The following NMUR2 variants were observed in gnomAD, a reference collection of about 807,000 sequenced individuals.
The protein encoded by NMUR2 is neuromedin-U receptor 2.
In NMUR2, 24 loss-of-function variants were observed where a neutral mutation model predicts 25.1. That is an observed-to-expected ratio of 0.96 (90% CI 0.69 to 1.34). The LOEUF (loss-of-function observed/expected upper bound fraction) is 1.34, where lower values mean the gene tolerates loss of function less well. NMUR2 is among the 40% of genes most tolerant of loss of function. NMUR2 has a pLI of 0.00. For missense variants in NMUR2, 533 were observed against 512.8 expected (o/e 1.04, Z -0.38); for synonymous variants, 218 against 208.1 (o/e 1.05, Z -0.41).
rs1338599317 is a variant in NMUR2, at chr5:152,395,520, G to A, written c.876C>T (p.Ser292=). The A allele has an allele frequency of 6.2e-7, 1 of 1,613,664 alleles. No homozygotes were observed. The highest frequency in any genetic ancestry group is 1.7e-5 in the Admixed American group (1 of 59,924). ...GGGATTCACTCCACTCCTCCACAAA[G>A]CTGAAGAAGAGTCGGTCAATGTGGA... ...APFHIDRLFF[S]FVEEWSESLA... is the part of the protein sequence containing the mutation. Residue 292 remains serine (S), a synonymous_variant, in exon 3 of 4, where the codon AGC becomes AGT. Transcript: ENST00000255262.
chr5:152,401,919 CAG>C (rs1753260982), intron 1 of NMUR2, among the ~76,000 whole-genome samples: 1 of 152,152 alleles, frequency 6.6e-6, no homozygotes. Flanking sequence ...AACTATCCAA[CAG>C]AGTCACTCAC....
intron 3 of NMUR2, among the ~76,000 whole-genome samples, chr5:152,395,161 G>A (rs1176935156): frequency 6.6e-6 from 1 of 152,072 alleles, no homozygotes; most frequent in Non-Finnish European, 1.5e-5. Flanking sequence ...CAATTTAATT[G>A]CATGGCCATT....
In NMUR2 at chr5:152,398,038, A is replaced by G. The variant is rs1011668750; in HGVS notation, c.811+22T>C. The G allele has an allele frequency of 1.9e-6, 3 of 1,593,936 alleles. No individual in the cohort carries two copies. The Admixed American group carries it at 5.0e-5, about 27-fold the overall frequency. On this transcript the variant is annotated intron_variant, in intron 2 of 3. Coordinates refer to ENST00000255262, the MANE Select transcript of NMUR2 (RefSeq NM_020167.5). Reference sequence around the variant, plus strand: ...TTGCTCTTATGAACAAAACAAAACAAAAAACAAAATGGGGCACTTACACAG... The same window carrying G: ...TTGCTCTTATGAACAAAACAAAACAGAAAACAAAATGGGGCACTTACACAG...
chr5:152,394,169 A>T (rs896973162), intron 3 of NMUR2, among the ~76,000 whole-genome samples: 4 of 152,148 alleles, frequency 2.6e-5, no homozygotes, highest in Non-Finnish European at 5.9e-5. Context: ...TTGACCTTGT[A>T]GTGCTTTCTC....
At chr5:152,393,384 G>A (rs185193714) in intron 3 of NMUR2, among the ~76,000 whole-genome samples, 91 of 152,228 alleles carry the variant, frequency 6.0e-4, no homozygotes, top group African/African-American at 2.1e-3. Context: ...TTGCCAAAAG[G>A]TTCCTTGTTG....
chr5:152,404,208 T>C (rs1721907337), intron 1 of NMUR2, among the ~76,000 whole-genome samples, 180 bp downstream of exon 1: 1 of 152,204 alleles, frequency 6.6e-6, no homozygotes, highest in Non-Finnish European at 1.5e-5. Flanking sequence ...TAGTTGTGGT[T>C]ACCATTCATC....
Position 152,404,864 on chromosome 5 carries a change from G to A in NMUR2, c.250C>T (p.Leu84Phe), listed in dbSNP as rs1390986954. The A allele has an allele frequency of 1.2e-6, 2 of 1,614,104 alleles. No homozygotes were observed. Among genetic ancestry groups the A allele is most frequent in the Non-Finnish European group, 8.5e-7 (1 of 1,180,012 alleles). Reference protein sequence around the residue: ...QAMKTPTNYYLFSLAVSDLLV... With the variant: ...QAMKTPTNYYFFSLAVSDLLV... ...AGGTCAGAGACCGCCAGGCTGAAGA[G>A]GTAGTAGTTGGTGGGCGTCTTCATA... Residue 84 changes from leucine to phenylalanine, a missense_variant, in exon 1 of 4, where the codon CTC (leucine) becomes TTC (phenylalanine). Leu to Phe is a conservative substitution (Grantham distance 22). Coordinates refer to ENST00000255262, the MANE Select transcript of NMUR2 (RefSeq NM_020167.5).
rs748964661 is a variant in NMUR2 at position 152,391,923 on chromosome 5, C to T, written c.*268G>A. ...AATTAATCAAGGTATAGGTGCCATG[C>T]CTTTCCAGTCACGTTCTTGGCATGA... On this transcript the variant is annotated 3_prime_UTR_variant, in exon 4 of 4. Transcript: ENST00000255262. 2.5e-5 allele frequency: 9 copies of T among 358,510 alleles called. No individual in the cohort carries two copies. The highest frequency in any genetic ancestry group is 4.5e-5 in the Admixed American group (1 of 22,466). 22.2% of individuals were successfully genotyped at this position (358,510 alleles called of 1,614,324 possible).
intron 2 of NMUR2, among the ~76,000 whole-genome samples, chr5:152,396,297 A>G (rs1176304532): frequency 6.6e-6 from 1 of 151,952 alleles, no homozygotes; most frequent in East Asian, 1.9e-4. Flanking sequence ...TCGCCTAAAG[A>G]TAATCTTTTG....
At chr5:152,398,657 G>C (rs1001578682) in intron 1 of NMUR2, among the ~76,000 whole-genome samples, 5 of 152,056 alleles carry the variant, frequency 3.3e-5, no homozygotes, top group Non-Finnish European at 5.9e-5. Flanking sequence ...GGGGGATAGT[G>C]TATCAACTTT....
intron 3 of NMUR2, 99 bp from the exon 4 acceptor site, chr5:152,392,600 G>T: frequency 3.4e-6 from 3 of 884,956 alleles, no homozygotes; most frequent in Non-Finnish European, 5.3e-6. Context: ...GAATCCCTGT[G>T]ATTGCCTCTT....
In NMUR2 at chr5:152,405,187, G is replaced by GA. The variant is rs1753339162; in HGVS notation, c.-75dup. The stretch of plus-strand genomic sequence containing the variant: ...TGAGCCAGGAAAAAAAAAAAAAAAA[G>GA]AAAAAAGGAAAACAAAAAAGAGAAA... On this transcript the variant is annotated 5_prime_UTR_variant, in exon 1 of 4. Coordinates refer to ENST00000255262, the MANE Select transcript of NMUR2 (RefSeq NM_020167.5). The GA allele has an allele frequency of 2.5e-6, 3 of 1,216,910 alleles. No homozygotes were observed. Among genetic ancestry groups the GA allele is most frequent in the African/African-American group, 3.1e-5 (2 of 64,892 alleles). The allele number at this position is 1,216,910 out of a possible 1,614,324, so 75.4% of individuals were successfully genotyped here.
Position 152,391,655 on chromosome 5 carries a change from G to A in NMUR2, c.*536C>T, listed in dbSNP as rs1414882624. 1 of 153,394 alleles carries A rather than the reference G, an allele frequency of 6.5e-6. No individual in the cohort carries two copies. The highest frequency in any genetic ancestry group is 1.9e-4 in the East Asian group (1 of 5,202). The allele number at this position is 153,394 out of a possible 1,614,324, so 9.5% of individuals were successfully genotyped here. Reference sequence around the variant, plus strand: ...GCCAGCAGATTTGCTCAACAGCATTGCCACAAACTTTCAATTTTTTTAAAA... The same window carrying A: ...GCCAGCAGATTTGCTCAACAGCATTACCACAAACTTTCAATTTTTTTAAAA... On this transcript the variant is annotated 3_prime_UTR_variant, in exon 4 of 4. Transcript: ENST00000255262.
At chr5:152,400,277 G>A (rs1319928283) in intron 1 of NMUR2, among the ~76,000 whole-genome samples, 1 of 152,098 alleles carries the variant, frequency 6.6e-6, no homozygotes, top group Admixed American at 6.6e-5. Context: ...ATTAGGACTA[G>A]AAAGGAAAAA....
intron 2 of NMUR2, among the ~76,000 whole-genome samples, chr5:152,395,894 G>A (rs1753140159): frequency 6.6e-6 from 1 of 151,942 alleles, no homozygotes; most frequent in Non-Finnish European, 1.5e-5. Context: ...ATCTTATTGT[G>A]AAAGATAAAT....
At chr5:152,394,140 T>A (rs1753109935) in intron 3 of NMUR2, among the ~76,000 whole-genome samples, 1 of 152,126 alleles carries the variant, frequency 6.6e-6, no homozygotes, top group Non-Finnish European at 1.5e-5. Flanking sequence ...AGAATTGTAG[T>A]CAATTAGTCA....
At chr5:152,401,487 A>T (rs180791634) in intron 1 of NMUR2, among the ~76,000 whole-genome samples, 2 of 152,322 alleles carry the variant, frequency 1.3e-5, no homozygotes, top group East Asian at 3.9e-4. Context: ...AGAATACCAG[A>T]TTATAATATA....
chr5:152,396,273 A>G (rs560998637), intron 2 of NMUR2, among the ~76,000 whole-genome samples: 56 of 151,804 alleles, frequency 3.7e-4, no homozygotes, highest in African/African-American at 1.2e-3. Flanking sequence ...TTGCTATGAC[A>G]TGACTCTTGG....
Position 152,404,607 on chromosome 5 carries a change from G to A in NMUR2, c.507C>T (p.Ile169=), listed in dbSNP as rs141055680. The change falls in exon 1 of 4, where the codon ATC becomes ATT. Residue 169 remains isoleucine, a synonymous_variant. Coordinates refer to ENST00000255262, the MANE Select transcript of NMUR2 (RefSeq NM_020167.5). ...AGAAGAGCACGGAGAAGCCCCAGAC[G>A]ATGCCGAGGATCCTGAGGGCCCGGC... is the stretch of plus-strand genomic sequence containing the variant. The part of the protein sequence containing the change: ...TRRRALRILG[I]VWGFSVLFSL... 2.2e-4 allele frequency: 356 copies of A among 1,614,100 alleles called. 2 individuals are homozygous for A. In the African/African-American group the frequency reaches 4.0e-3, roughly 18 times the overall value.
Sources: gnomAD v4.1 joint callset for allele counts (sites outside exome capture counted in the v4.1 genomes callset) on GRCh38, gnomAD v4.1.1 for gene constraint, MANE v1.5 for transcripts, NCBI Gene and HGNC (gene_info 2026-07-23, HGNC 2026-07-21) for gene names.